MTFR2: variants seen among roughly 807,000 people sequenced by gnomAD.
MTFR2 encodes mitochondrial fission regulator 2.
MTFR2 carries 44 observed loss-of-function variants against 41.2 expected under a neutral mutation model. That is an observed-to-expected ratio of 1.07 (90% CI 0.84 to 1.37). MTFR2 has a LOEUF of 1.37. MTFR2 is among the 40% of genes most tolerant of loss of function. The pLI is 0.00. For synonymous variants in MTFR2, 141 were observed against 154.6 expected (o/e 0.91, Z 0.65); for missense variants, 452 against 459.5 (o/e 0.98, Z 0.15).
Position 136,249,984 on chromosome 6 carries a change from G to A in MTFR2, c.-63C>T, listed in dbSNP as rs1279413873. The A allele has an allele frequency of 6.6e-6, 1 of 152,066 alleles. No homozygotes were observed. The highest frequency in any genetic ancestry group is 2.4e-5 in the African/African-American group (1 of 41,382). The allele number at this position is 152,066 out of a possible 1,614,324, so 9.4% of individuals were successfully genotyped here. A position where few individuals can be genotyped will look rare whatever the true frequency, so the allele number is the denominator to read the frequency against. On this transcript the variant is annotated 5_prime_UTR_variant, in exon 1 of 8. Coordinates refer to ENST00000420702, the MANE Select transcript of MTFR2 (RefSeq NM_001099286.3). ...GTGGTAGCCTTGCTCACCTTCCTCC[G>A]AAGCCGAGCCCCCGGGAATCACCAG...
At chr6:136,240,660 C>G (rs991043964) in intron 5 of MTFR2, among the ~76,000 whole-genome samples, 1 of 152,136 alleles carries the variant, frequency 6.6e-6, no homozygotes. Flanking sequence ...ATCTGGAAAA[C>G]ATGACTCACC....
chr6:136,236,963 CGG>C (rs1779923245), intron 6 of MTFR2, among the ~76,000 whole-genome samples: 1 of 152,048 alleles, frequency 6.6e-6, no homozygotes. Context: ...AACCAGATGC[CGG>C]AAGCTGGAAA....
intron 1 of MTFR2, 50 bp from the exon 2 acceptor site, chr6:136,249,203 T>C (rs961303959): frequency 1.3e-6 from 1 of 791,924 alleles, no homozygotes; most frequent in Non-Finnish European, 1.9e-6. Context: ...AAATGCCAAA[T>C]TGTACTACAT....
At position 136,233,458 on chromosome 6, in the gene MTFR2, T is replaced by C; in HGVS notation, c.911A>G (p.Asn304Ser). 1 of 1,585,850 alleles carries C rather than the reference T, an allele frequency of 6.3e-7. No individual in the cohort carries two copies. Among genetic ancestry groups the C allele is most frequent in the South Asian group, 1.1e-5 (1 of 86,972 alleles). Residue 304 changes from asparagine to serine, a missense_variant, in exon 7 of 8, where the codon AAT (asparagine) becomes AGT (serine). Asn to Ser is a conservative substitution (Grantham distance 46, BLOSUM62 1). Coordinates refer to ENST00000420702, the MANE Select transcript of MTFR2 (RefSeq NM_001099286.3). The stretch of plus-strand genomic sequence containing the variant: ...TAAAGAAACTGGATCCCAATGTGAA[T>C]TCTGTCTTTTCCTCTTATGAATGGG... ...GRPIHKRKRQ[N>S]SHWDPVSLIS...
Position 136,241,520 on chromosome 6 carries a change from T to C in MTFR2, c.438A>G (p.Glu146=), listed in dbSNP as rs1780069336. 2 of 1,614,056 alleles carry C rather than the reference T, an allele frequency of 1.2e-6. No individual in the cohort carries two copies. The highest frequency in any genetic ancestry group is 1.7e-6 in the Non-Finnish European group (2 of 1,180,036). ...GAGAGCGAAGAAAAGTCAGCTCATT[T>C]TCAAGGGCAGCTATTTTTCTAATTG... ...EAAIRKIAAL[E]NELTFLRSQI... The change falls in exon 5 of 8, where the codon GAA becomes GAG. Residue 146 remains glutamate, a synonymous_variant. Coordinates refer to ENST00000420702, the MANE Select transcript of MTFR2 (RefSeq NM_001099286.3).
chr6:136,233,920 C>T (rs913609429), intron 6 of MTFR2, among the ~76,000 whole-genome samples: 11 of 151,826 alleles, frequency 7.2e-5, no homozygotes, highest in Admixed American at 2.0e-4. Flanking sequence ...CATTGAATGC[C>T]CACTACCACA....
At chr6:136,245,446 T>C (rs1780189955) in intron 2 of MTFR2, among the ~76,000 whole-genome samples, 1 of 152,204 alleles carries the variant, frequency 6.6e-6, no homozygotes, top group African/African-American at 2.4e-5. Flanking sequence ...ATAGCTCAAA[T>C]AATACTTCAT....
At chr6:136,241,349 C>T (rs1264847580) in intron 5 of MTFR2, 95 bp downstream of exon 5, 12 of 908,710 alleles carry the variant, frequency 1.3e-5, no homozygotes, top group African/African-American at 3.4e-5. Flanking sequence ...TGCTACTATA[C>T]GTACTATATT....
At chr6:136,237,203 C>A (rs964000701) in intron 6 of MTFR2, among the ~76,000 whole-genome samples, 2 of 152,166 alleles carry the variant, frequency 1.3e-5, no homozygotes, top group African/African-American at 4.8e-5. Flanking sequence ...GTGTGGCCAA[C>A]AAAATGGTCC....
chr6:136,232,000 G>A (rs748068023), intron 7 of MTFR2, among the ~76,000 whole-genome samples: 12 of 152,100 alleles, frequency 7.9e-5, no homozygotes, highest in Non-Finnish European at 1.3e-4. Context: ...AGTGAGATGA[G>A]TAAAAAAGGT....
At chr6:136,233,522 G>T in intron 6 of MTFR2, 23 bp from the exon 7 acceptor site, 1 of 1,448,844 alleles carries the variant, frequency 6.9e-7, no homozygotes, top group Non-Finnish European at 9.2e-7. Context: ...AAAAAAAATT[G>T]AATTTATTAA....
Position 136,239,664 on chromosome 6 carries a change from G to A in MTFR2, c.671C>T (p.Pro224Leu), listed in dbSNP as rs1779997026. 6.2e-6 allele frequency: 10 copies of A among 1,613,816 alleles called. No individual in the cohort carries two copies. The highest frequency in any genetic ancestry group is 2.2e-5 in the East Asian group (1 of 44,840). ...TCCTGGTTGTACGGGAGGAAAACAC[G>A]GTGGCTGGAGAGATGAAAACTGAGG... Reference protein sequence around the residue: ...LPPQFSSLQPPCFPPVQPGSN... With the variant: ...LPPQFSSLQPLCFPPVQPGSN... Residue 224 changes from proline to leucine, a missense_variant, in exon 6 of 8, where the codon CCG (proline) becomes CTG (leucine). By Grantham distance (98) the Pro-to-Leu change is moderately conservative. Coordinates refer to ENST00000420702, the MANE Select transcript of MTFR2 (RefSeq NM_001099286.3).
chr6:136,231,808 ACAGTGTGTTCC>A (rs1779767245), intron 7 of MTFR2, among the ~76,000 whole-genome samples: 1 of 152,194 alleles, frequency 6.6e-6, no homozygotes, highest in Non-Finnish European at 1.5e-5. Context: ...TCACTGGGAA[ACAGTGTGTTCC>A]ACCTACGGGA....
At chr6:136,249,761 C>T (rs1049932834) in intron 1 of MTFR2, among the ~76,000 whole-genome samples, 5 of 152,198 alleles carry the variant, frequency 3.3e-5, no homozygotes, top group African/African-American at 1.2e-4. Flanking sequence ...GACTTTGCTA[C>T]TCATTTGCCT....
intron 7 of MTFR2, among the ~76,000 whole-genome samples, chr6:136,231,669 TAAAAAAAAAAA>T (rs71006791): frequency 3.6e-5 from 3 of 82,932 alleles, no homozygotes; most frequent in Non-Finnish European, 7.2e-5. Flanking sequence ...AAAAACTATG[TAAAAAAAAAAA>T]AAAAAAAAAA....
chr6:136,231,437 A>G, intron 7 of MTFR2, 49 bp from the exon 8 acceptor site: 1 of 1,199,000 alleles, frequency 8.3e-7, no homozygotes, highest in Non-Finnish European at 1.2e-6. Flanking sequence ...ATGTCAAAAA[A>G]AAAAAAGAAT....
Position 136,242,736 on chromosome 6 carries a change from T to C in MTFR2, c.281+125A>G, listed in dbSNP as rs541580666. 1.1e-4 allele frequency: 66 copies of C among 617,114 alleles called. 1 individual carries two copies. Among genetic ancestry groups the C allele is most frequent in the African/African-American group, 1.0e-3 (52 of 52,066 alleles). The allele number at this position is 617,114 out of a possible 1,614,324, so 38.2% of individuals were successfully genotyped here. A position where few individuals can be genotyped will look rare whatever the true frequency, so the allele number is the denominator to read the frequency against. ...CAGCCAGTCTTCTTTATTAAGAAGA[T>C]ACAGTAGGGCACAGCACAGTTTGAA... is the stretch of plus-strand genomic sequence containing the variant. On this transcript the variant is annotated intron_variant, in intron 4 of 7. Transcript: ENST00000420702.
chr6:136,247,734 G>A (rs1476605765), intron 2 of MTFR2, among the ~76,000 whole-genome samples: 1 of 151,974 alleles, frequency 6.6e-6, no homozygotes, highest in African/African-American at 2.4e-5. Context: ...AATTCTTAAG[G>A]TCACCAATAA....
Position 136,239,678 on chromosome 6 carries a change from T to C in MTFR2, c.657A>G (p.Ser219=), listed in dbSNP as rs1159162215. The C allele has an allele frequency of 2.3e-5, 37 of 1,613,694 alleles. No homozygotes were observed. Among genetic ancestry groups the C allele is most frequent in the Non-Finnish European group, 3.0e-5 (35 of 1,179,996 alleles). The change falls in exon 6 of 8, where the codon TCA becomes TCG. Residue 219 remains serine (S), a synonymous_variant. Coordinates refer to ENST00000420702, the MANE Select transcript of MTFR2 (RefSeq NM_001099286.3). ...PPPPPLPPQF[S]SLQPPCFPPV... ...GAGGAAAACACGGTGGCTGGAGAGA[T>C]GAAAACTGAGGAGGAAGTGGTGGAG...
Sources: allele counts gnomAD v4.1 joint callset (sites outside exome capture counted in the v4.1 genomes callset), GRCh38; gene constraint gnomAD v4.1.1; transcripts MANE v1.5; gene names NCBI Gene and HGNC (gene_info 2026-07-23, HGNC 2026-07-21).